The following MRPL47 variants were observed in gnomAD, a reference collection of about 807,000 sequenced individuals.
MRPL47 encodes large ribosomal subunit protein uL29m.
In MRPL47, 31 loss-of-function variants were observed where a neutral mutation model predicts 34.0. The observed-to-expected ratio is 0.91, with a 90% confidence interval of 0.68 to 1.23. The LOEUF (loss-of-function observed/expected upper bound fraction) is 1.23. Ranked by LOEUF, MRPL47 falls within the 50% of genes most tolerant of loss-of-function variation. The pLI is 0.00. For synonymous variants in MRPL47, 106 were observed against 101.6 expected (o/e 1.04, Z -0.26); for missense variants, 328 against 285.8 (o/e 1.15, Z -1.07).
chr3:179,599,380 A>G (rs1395013603), intron 3 of MRPL47, among the ~76,000 whole-genome samples: 3 of 152,200 alleles, frequency 2.0e-5, no homozygotes, highest in Admixed American at 2.0e-4. Flanking sequence ...AAGATAAATA[A>G]CATTTACTGA....
upstream of MRPL47, chr3:179,604,640 G>T (rs777164938): frequency 1.9e-6 from 3 of 1,613,748 alleles, no homozygotes; most frequent in African/African-American, 2.7e-5. Context: ...CGCATAACTG[G>T]CAAAACGCGT....
At position 179,602,748 on chromosome 3, in the gene MRPL47, G is replaced by C; in HGVS notation, c.148C>G (p.His50Asp). 6.2e-7 allele frequency: 1 copy of C among 1,611,948 alleles called. No individual in the cohort carries two copies. The change falls in exon 2 of 7, where the codon CAC becomes GAC. Residue 50 changes from histidine (H) to aspartate (D), a missense_variant. Physicochemically the swap from His to Asp is moderately conservative, Grantham distance 81. Transcript: ENST00000476781. ...GTGGTATGAAGTAATCTATATTGGT[G>C]AAAGGATGTCACATTTGGTGTACTC... The part of the protein sequence containing the change: ...PKSTPNVTSF[H>D]QYRLLHTTLS...
chr3:179,602,602 G>A, intron 2 of MRPL47, 50 bp downstream of exon 2: 2 of 844,892 alleles, frequency 2.4e-6, no homozygotes, highest in Non-Finnish European at 3.5e-6. Context: ...GCGGGGCGGG[G>A]GGGGGGGTTC....
chr3:179,602,393 A>G (rs1718945975), intron 2 of MRPL47, among the ~76,000 whole-genome samples: 1 of 152,110 alleles, frequency 6.6e-6, no homozygotes, highest in East Asian at 1.9e-4. Flanking sequence ...AAAATCTAAA[A>G]TAAGCCCTAA....
chr3:179,595,344 T>C (rs59700512), intron 4 of MRPL47, among the ~76,000 whole-genome samples: 13,829 of 152,286 alleles, frequency 0.091, 680 homozygotes, highest in South Asian at 0.17. Flanking sequence ...CCATTGCACC[T>C]GGCCCATAAC....
intron 2 of MRPL47, 53 bp downstream of exon 2, chr3:179,602,598 CG>C (rs371595016): frequency 0.35 from 190,874 of 549,830 alleles, 6,484 homozygotes; most frequent in Middle Eastern, 0.41. Context: ...TTGGGCGGGG[CG>C]GGGGGGGGGG....
chr3:179,594,752 G>A (rs953280618), intron 4 of MRPL47, among the ~76,000 whole-genome samples: 3 of 152,104 alleles, frequency 2.0e-5, no homozygotes, highest in Middle Eastern at 3.2e-3. Context: ...CCAAAGTGCT[G>A]GGATTACAGG....
intron 1 of MRPL47, among the ~76,000 whole-genome samples, chr3:179,603,727 C>A (rs1001290658): frequency 3.9e-5 from 6 of 151,952 alleles, no homozygotes; most frequent in Non-Finnish European, 5.9e-5. Context: ...TATGTAAATA[C>A]GCAGCTAAGA....
chr3:179,601,188 G>A (rs918427980), intron 3 of MRPL47, among the ~76,000 whole-genome samples: 1 of 152,174 alleles, frequency 6.6e-6, no homozygotes, highest in Non-Finnish European at 1.5e-5. Flanking sequence ...GAGGTAGGAG[G>A]ATCACTTGAG....
At position 179,604,609 on chromosome 3, in the gene MRPL47, A is replaced by T; in HGVS notation, c.16T>A (p.Leu6Met). ...GAAACTCTCCTACAAAGAAGGGCCA[A>T]ACCGGCCGCAGCCATGTTTTCGCAT... is the stretch of plus-strand genomic sequence containing the variant. MAAAG[L>M]ALLCRRVSSA... Residue 6 changes from leucine (L) to methionine (M), a missense_variant, in exon 1 of 7, where the codon TTG (leucine) becomes ATG (methionine). By Grantham distance (15) the Leu-to-Met change is conservative (BLOSUM62 2). Coordinates refer to ENST00000476781, the MANE Select transcript of MRPL47 (RefSeq NM_020409.3). The T allele has an allele frequency of 1.2e-6, 2 of 1,614,230 alleles. No individual in the cohort carries two copies. The highest frequency in any genetic ancestry group is 1.7e-6 in the Non-Finnish European group (2 of 1,180,046).
Position 179,593,783 on chromosome 3 carries a change from A to T in MRPL47, c.515T>A (p.Ile172Asn). 6.2e-7 allele frequency: 1 copy of T among 1,613,594 alleles called. No individual in the cohort carries two copies. The highest frequency in any genetic ancestry group is 1.7e-4 in the Middle Eastern group (1 of 6,056). Residue 172 changes from isoleucine (I) to asparagine (N), a missense_variant, in exon 5 of 7, where the codon ATC (isoleucine) becomes AAC (asparagine). Transcript: ENST00000476781. ...TACATACCAGATGATTCTTCCAAAG[A>T]TGTCTCTTCTCCAAGCACCAGGTCT... ...RARPGAWRRDIFGRIIWHKFK... is the reference protein window; with the variant it reads ...RARPGAWRRDNFGRIIWHKFK...
At chr3:179,597,056 C>G (rs1718803782) in intron 4 of MRPL47, among the ~76,000 whole-genome samples, 2 of 152,122 alleles carry the variant, frequency 1.3e-5, no homozygotes, top group South Asian at 2.1e-4. Context: ...AGAAAAAATA[C>G]TGTGTATGGA....
In MRPL47 at chr3:179,592,673, A is replaced by G. The variant is rs767071448; in HGVS notation, c.600T>C (p.Phe200=). 1.2e-6 allele frequency: 2 copies of G among 1,613,686 alleles called. No individual in the cohort carries two copies. Among genetic ancestry groups the G allele is most frequent in the Non-Finnish European group, 8.5e-7 (1 of 1,179,584 alleles). Residue 200 remains phenylalanine (F), a synonymous_variant, in exon 6 of 7, where the codon TTT becomes TTC. Transcript: ENST00000476781. The stretch of plus-strand genomic sequence containing the variant: ...GAAAATGGTCCACATAAGGCAAGGC[A>G]AAGAATCGTTTCCTATTGTATCTTT... The part of the protein sequence containing the change: ...LNKRYNRKRF[F]ALPYVDHFLR...
intron 5 of MRPL47, 99 bp from the exon 6 acceptor site, chr3:179,592,838 G>T: frequency 1.4e-6 from 1 of 717,648 alleles, no homozygotes; most frequent in Non-Finnish European, 2.4e-6. Flanking sequence ...ATAAAAATTA[G>T]TAGAAAATAA....
At position 179,588,435 on chromosome 3, in the gene MRPL47, T is replaced by C; in HGVS notation, c.*437A>G. 1 of 176,904 alleles carries C rather than the reference T, an allele frequency of 5.7e-6. No homozygotes were observed. The highest frequency in any genetic ancestry group is 1.2e-5 in the Non-Finnish European group (1 of 84,174). 11.0% of individuals were successfully genotyped at this position (176,904 alleles called of 1,614,324 possible). ...TTGGACTGTTGTGCACTGTGATTAC[T>C]ACTTTAAGGACTAAATGTATTTCTC... On this transcript the variant is annotated 3_prime_UTR_variant, in exon 7 of 7. Coordinates refer to ENST00000476781, the MANE Select transcript of MRPL47 (RefSeq NM_020409.3).
At chr3:179,595,270 A>G (rs780276608) in intron 4 of MRPL47, among the ~76,000 whole-genome samples, 2 of 151,084 alleles carry the variant, frequency 1.3e-5, no homozygotes, top group Non-Finnish European at 2.9e-5. Flanking sequence ...CTGGTCTCAA[A>G]CTCCTTGGGC....
At chr3:179,603,934 A>T (rs1223024197) in intron 1 of MRPL47, among the ~76,000 whole-genome samples, 1 of 152,062 alleles carries the variant, frequency 6.6e-6, no homozygotes, top group African/African-American at 2.4e-5. Context: ...CCAAATGAAT[A>T]AGATTCTTAA....
In MRPL47 at chr3:179,604,292, A is replaced by C. The variant is rs569016208; in HGVS notation, c.98+235T>G. 5.9e-5 allele frequency among the ~76,000 whole-genome samples: 9 copies of C among 152,348 alleles called. No individual in the cohort carries two copies. In the South Asian group the frequency reaches 1.2e-3, roughly 21 times the overall value. ...TTACTTCAACAAATGCTGGACATCT[A>C]CAAACCCCATATACTGTCTTGTCCA... is the stretch of plus-strand genomic sequence containing the variant. On this transcript the variant is annotated intron_variant, in intron 1 of 6. Coordinates refer to ENST00000476781, the MANE Select transcript of MRPL47 (RefSeq NM_020409.3).
intron 1 of MRPL47, among the ~76,000 whole-genome samples, chr3:179,603,431 C>T (rs1165821192): frequency 2.0e-5 from 3 of 152,104 alleles, no homozygotes; most frequent in Middle Eastern, 3.4e-3. Flanking sequence ...CCCAACTACT[C>T]GGGAGGCTGA....
Sources: allele counts gnomAD v4.1 joint callset (sites outside exome capture counted in the v4.1 genomes callset), GRCh38; gene constraint gnomAD v4.1.1; transcripts MANE v1.5; gene names NCBI Gene and HGNC (gene_info 2026-07-23, HGNC 2026-07-21).